The following SLC46A1 variants were observed in gnomAD, a reference collection of about 807,000 sequenced individuals.
SLC46A1 encodes proton-coupled folate transporter.
In SLC46A1, 17 loss-of-function variants were observed where a neutral mutation model predicts 32.1. That is an observed-to-expected ratio of 0.53 (90% CI 0.36 to 0.79). The LOEUF (loss-of-function observed/expected upper bound fraction) is 0.79. Among genes scored for constraint, SLC46A1 ranks in the 30% least tolerant of loss-of-function variants. SLC46A1 has a pLI of 0.00. For missense variants in SLC46A1, 517 were observed against 588.2 expected (o/e 0.88, Z 1.25); for synonymous variants, 240 against 262.7 (o/e 0.91, Z 0.84).
Position 28,396,245 on chromosome 17 carries a change from GACACC to G in SLC46A1, c.*3406_*3410del. 2 of 1,614,014 alleles carry G rather than the reference GACACC, an allele frequency of 1.2e-6. No individual in the cohort carries two copies. ...CTCCCGGGACTCATCTGCAGGCTCT[GACACC>G]AGTTTGGAGGGTGCTGCACCCATGG... On this transcript the variant is annotated 3_prime_UTR_variant, in exon 5 of 5. Transcript: ENST00000612814.
chr17:28,400,363 G>C (rs1394668793), intron 4 of SLC46A1: 3 of 505,920 alleles, frequency 5.9e-6, no homozygotes, highest in African/African-American at 5.8e-5. Context: ...AACTGGGAGA[G>C]AGAACACAGC....
In SLC46A1 at chr17:28,396,415, C is replaced by G; in HGVS notation, c.*3241G>C. On this transcript the variant is annotated 3_prime_UTR_variant, in exon 5 of 5. Coordinates refer to ENST00000612814, the MANE Select transcript of SLC46A1 (RefSeq NM_080669.6). ...CTTCTTAGGAAATGGCTCTCCCTCC[C>G]CCTGTCCCCCACCCTCATGGCCCAC... 1.9e-6 allele frequency: 2 copies of G among 1,042,186 alleles called. No individual in the cohort carries two copies. The highest frequency in any genetic ancestry group is 2.8e-6 in the Non-Finnish European group (2 of 706,854). The allele number at this position is 1,042,186 out of a possible 1,614,324, so 64.6% of individuals were successfully genotyped here.
Position 28,406,179 on chromosome 17 carries a change from A to C in SLC46A1, c.-65T>G. On this transcript the variant is annotated 5_prime_UTR_variant, in exon 1 of 5. Transcript: ENST00000612814. This position sits in a 1 kb window ranked among gnomAD's most constrained non-coding sequence, Gnocchi z 4.5. The stretch of plus-strand genomic sequence containing the variant: ...GCGCGCGAGCGACTCGCTGCCTGGG[A>C]CCAGCGACGCGTGGCGTGGGGCTTG... 2.5e-6 allele frequency: 3 copies of C among 1,206,528 alleles called. No homozygotes were observed. The highest frequency in any genetic ancestry group is 3.2e-6 in the Non-Finnish European group (3 of 938,194). 74.7% of individuals were successfully genotyped at this position (1,206,528 alleles called of 1,614,324 possible).
rs1555588858 is a variant in SLC46A1 at position 28,398,992 on chromosome 17, G to A, written c.*664C>T. 1 of 152,440 alleles carries A rather than the reference G, an allele frequency of 6.6e-6. No individual in the cohort carries two copies. Among genetic ancestry groups the A allele is most frequent in the African/African-American group, 2.4e-5 (1 of 41,462 alleles). 9.4% of individuals were successfully genotyped at this position (152,440 alleles called of 1,614,324 possible). A position where few individuals can be genotyped will look rare whatever the true frequency, so the allele number is the denominator to read the frequency against. On this transcript the variant is annotated 3_prime_UTR_variant, in exon 5 of 5. Coordinates refer to ENST00000612814, the MANE Select transcript of SLC46A1 (RefSeq NM_080669.6). ...CGTATGGCAGGCAGACTGGGAGCAG[G>A]AAAACAGAGGGCCCCAAAGCCCAAG...
chr17:28,403,198 T>G (rs1198425638), intron 2 of SLC46A1: 1 of 152,252 alleles, frequency 6.6e-6, no homozygotes, highest in African/African-American at 2.4e-5. Context: ...TCCAGAACTG[T>G]GAGAGAATAT....
rs1555589018 is a variant in SLC46A1 at position 28,399,539 on chromosome 17, C to T, written c.*117G>A. On this transcript the variant is annotated 3_prime_UTR_variant, in exon 5 of 5. Coordinates refer to ENST00000612814, the MANE Select transcript of SLC46A1 (RefSeq NM_080669.6). ...TCTTGACTACCTCGTCCAAAGAGAGCACTGCCCTTAGACAAGAGTTGCTTG... is the reference window on the plus strand; with the variant it reads ...TCTTGACTACCTCGTCCAAAGAGAGTACTGCCCTTAGACAAGAGTTGCTTG... The T allele has an allele frequency of 3.9e-6, 4 of 1,019,758 alleles. No homozygotes were observed. Among genetic ancestry groups the T allele is most frequent in the Non-Finnish European group, 4.5e-6 (3 of 666,350 alleles). The allele number at this position is 1,019,758 out of a possible 1,614,324, so 63.2% of individuals were successfully genotyped here. A position where few individuals can be genotyped will look rare whatever the true frequency, so the allele number is the denominator to read the frequency against.
At position 28,396,151 on chromosome 17, in the gene SLC46A1, C is replaced by T; in HGVS notation, c.*3505G>A. 1 of 1,613,944 alleles carries T rather than the reference C, an allele frequency of 6.2e-7. No homozygotes were observed. Among genetic ancestry groups the T allele is most frequent in the South Asian group, 1.1e-5 (1 of 91,082 alleles). On this transcript the variant is annotated 3_prime_UTR_variant, in exon 5 of 5. Coordinates refer to ENST00000612814, the MANE Select transcript of SLC46A1 (RefSeq NM_080669.6). Reference sequence around the variant, plus strand: ...GTCTGAACCACATTGGCTCCTGTGCCCACAGGTGGTCCCACGAATACCAGG... The same window carrying T: ...GTCTGAACCACATTGGCTCCTGTGCTCACAGGTGGTCCCACGAATACCAGG...
chr17:28,396,365 T>C lies in SLC46A1; in HGVS notation c.*3291A>G. 6.4e-7 allele frequency: 1 copy of C among 1,566,340 alleles called. No individual in the cohort carries two copies. Among genetic ancestry groups the C allele is most frequent in the Non-Finnish European group, 8.7e-7 (1 of 1,145,664 alleles). On this transcript the variant is annotated 3_prime_UTR_variant, in exon 5 of 5. Coordinates refer to ENST00000612814, the MANE Select transcript of SLC46A1 (RefSeq NM_080669.6). ...GAAGGAACAGCTCCTGAAACCAGTC[T>C]CCCTGGGCTGAGACAACCTGGGCTC...
Position 28,396,658 on chromosome 17 carries a change from C to A in SLC46A1, c.*2998G>T. 4.3e-6 allele frequency: 1 copy of A among 230,234 alleles called. No homozygotes were observed. Among genetic ancestry groups the A allele is most frequent in the Non-Finnish European group, 8.6e-6 (1 of 116,360 alleles). 14.3% of individuals were successfully genotyped at this position (230,234 alleles called of 1,614,324 possible). On this transcript the variant is annotated 3_prime_UTR_variant, in exon 5 of 5. Transcript: ENST00000612814. The stretch of plus-strand genomic sequence containing the variant: ...CTTGAGGAGGATGACGGAAGGCAGC[C>A]TCAGACAGGAATTAAGGCAATGCCC...
Position 28,396,043 on chromosome 17 carries a change from TGGGAC to T in SLC46A1, c.*3608_*3612del. 1.9e-6 allele frequency: 3 copies of T among 1,613,820 alleles called. No individual in the cohort carries two copies. Among genetic ancestry groups the T allele is most frequent in the Non-Finnish European group, 2.5e-6 (3 of 1,179,812 alleles). On this transcript the variant is annotated 3_prime_UTR_variant, in exon 5 of 5. Coordinates refer to ENST00000612814, the MANE Select transcript of SLC46A1 (RefSeq NM_080669.6). The stretch of plus-strand genomic sequence containing the variant: ...CGGTATCAAGTGAGCCCCAGGGCCC[TGGGAC>T]CAGGGGGGTAGGGTACAAATCACCA...
Position 28,398,980 on chromosome 17 carries a change from G to C in SLC46A1, c.*676C>G, listed in dbSNP as rs1255261366. 6.6e-6 allele frequency: 1 copy of C among 152,462 alleles called. No homozygotes were observed. The highest frequency in any genetic ancestry group is 1.5e-5 in the Non-Finnish European group (1 of 68,220). The allele number at this position is 152,462 out of a possible 1,614,324, so 9.4% of individuals were successfully genotyped here. ...TCTGTTGTCTAACGTATGGCAGGCA[G>C]ACTGGGAGCAGGAAAACAGAGGGCC... On this transcript the variant is annotated 3_prime_UTR_variant, in exon 5 of 5. Coordinates refer to ENST00000612814, the MANE Select transcript of SLC46A1 (RefSeq NM_080669.6).
In SLC46A1 at chr17:28,396,070, A is replaced by G; in HGVS notation, c.*3586T>C. 1 of 1,613,472 alleles carries G rather than the reference A, an allele frequency of 6.2e-7. No individual in the cohort carries two copies. The highest frequency in any genetic ancestry group is 8.5e-7 in the Non-Finnish European group (1 of 1,179,604). On this transcript the variant is annotated 3_prime_UTR_variant, in exon 5 of 5. Transcript: ENST00000612814. ...GGACCAGGGGGGTAGGGTACAAATC[A>G]CCATGACAGGCAGAGTGTGGGCAAA... is the stretch of plus-strand genomic sequence containing the variant.
chr17:28,395,717 CT>C lies in SLC46A1; in HGVS notation c.*3938del, dbSNP rs1454292838. 1.3e-5 allele frequency: 8 copies of C among 608,278 alleles called. No homozygotes were observed. In the African/African-American group the frequency reaches 1.5e-4, roughly 11 times the overall value. 37.7% of individuals were successfully genotyped at this position (608,278 alleles called of 1,614,324 possible). Reference sequence around the variant, plus strand: ...TTTTAGCAGCTCTGTGCCAGGAACTCTGGGCAAAGGAAAAATATTTATTTTT... The same window carrying C: ...TTTTAGCAGCTCTGTGCCAGGAACTCGGGCAAAGGAAAAATATTTATTTTT... On this transcript the variant is annotated 3_prime_UTR_variant, in exon 5 of 5. Coordinates refer to ENST00000612814, the MANE Select transcript of SLC46A1 (RefSeq NM_080669.6).
rs1247608930 is a variant in SLC46A1 at position 28,398,005 on chromosome 17, C to A, written c.*1651G>T. 2 of 152,478 alleles carry A rather than the reference C, an allele frequency of 1.3e-5. No homozygotes were observed. The highest frequency in any genetic ancestry group is 6.5e-5 in the Admixed American group (1 of 15,284). 9.4% of individuals were successfully genotyped at this position (152,478 alleles called of 1,614,324 possible). ...CAGAGTCTGTCTTGGCCAGTGCCAG[C>A]CTCGATGCTTTGGTTTTGACCCCAC... On this transcript the variant is annotated 3_prime_UTR_variant, in exon 5 of 5. Coordinates refer to ENST00000612814, the MANE Select transcript of SLC46A1 (RefSeq NM_080669.6).
Position 28,402,282 on chromosome 17 carries a change from A to G in SLC46A1, c.1121T>C (p.Val374Ala), listed in dbSNP as rs782765996. ...CAGCTTGGAGAGTTTAGCCCGGATG[A>G]CAGGTGTGATGACTAATGACAGGAA... is the stretch of plus-strand genomic sequence containing the variant. Reference protein sequence around the residue: ...LLFLSLVITPVIRAKLSKLVR... With the variant: ...LLFLSLVITPAIRAKLSKLVR... Residue 374 changes from valine (V) to alanine (A), a missense_variant, in exon 3 of 5, where the codon GTC (valine) becomes GCC (alanine). Coordinates refer to ENST00000612814, the MANE Select transcript of SLC46A1 (RefSeq NM_080669.6). 3.1e-6 allele frequency: 5 copies of G among 1,613,592 alleles called. No homozygotes were observed. The African/African-American group carries it at 6.7e-5, about 22-fold the overall frequency.
In SLC46A1 at chr17:28,398,212, G is replaced by C. The variant is rs1158343155; in HGVS notation, c.*1444C>G. ...TCTCCAATCAGTCCCACTCCCTCCT[G>C]AGGTCCCCAAGGGCAGTATTCAGAG... On this transcript the variant is annotated 3_prime_UTR_variant, in exon 5 of 5. Transcript: ENST00000612814. 1 of 152,506 alleles carries C rather than the reference G, an allele frequency of 6.6e-6. No homozygotes were observed. The highest frequency in any genetic ancestry group is 1.9e-4 in the East Asian group (1 of 5,192). The allele number at this position is 152,506 out of a possible 1,614,324, so 9.4% of individuals were successfully genotyped here.
Position 28,405,012 on chromosome 17 carries a change from AG to A in SLC46A1, c.684del (p.Cys229AlafsTer6), listed in dbSNP as rs2068239690. On this transcript the variant is annotated frameshift_variant, in exon 2 of 5. Transcript: ENST00000612814. LOFTEE classifies it high-confidence loss of function. ...GGCTCCTTTAAGGTCTCACCAAAGCAGAAAGCTGCATAGAGAGTCATGGCTA... is the reference window on the plus strand; with the variant it reads ...GGCTCCTTTAAGGTCTCACCAAAGCAAAAGCTGCATAGAGAGTCATGGCTA... ...LLIAMTLYAA[F>X]CFGETLKEPK... 1 of 1,613,944 alleles carries A rather than the reference AG, an allele frequency of 6.2e-7. No homozygotes were observed. The highest frequency in any genetic ancestry group is 1.3e-5 in the African/African-American group (1 of 74,942).
chr17:28,400,799 C>A, intron 3 of SLC46A1, 33 bp from the exon 4 acceptor site: 1 of 1,547,084 alleles, frequency 6.5e-7, no homozygotes, highest in South Asian at 1.2e-5. Context: ...CTCTGGAGTC[C>A]GAAAGGGCCA....
chr17:28,402,165 A>G, intron 3 of SLC46A1, 73 bp downstream of exon 3: 2 of 1,321,564 alleles, frequency 1.5e-6, no homozygotes, highest in Non-Finnish European at 2.1e-6. Flanking sequence ...TCCCCCAGCC[A>G]TGGCTGCCCA....
Sources: allele counts gnomAD v4.1 joint callset, GRCh38; gene constraint gnomAD v4.1.1; non-coding constraint Gnocchi (gnomAD v3.1); transcripts MANE v1.5; gene names NCBI Gene and HGNC (gene_info 2026-07-23, HGNC 2026-07-21).